The following GPATCH1 variants were observed in gnomAD, a reference collection of about 807,000 sequenced individuals.
GPATCH1 encodes the protein G-patch domain containing 1.
A neutral mutation model predicts 114.9 loss-of-function variants in GPATCH1; 73 were observed. The observed-to-expected ratio is 0.64, with a 90% CI of 0.53 to 0.77. GPATCH1 has a LOEUF of 0.77. Ranked by LOEUF, GPATCH1 falls within the 30% of genes least tolerant of loss-of-function variation. The pLI, the probability that GPATCH1 is intolerant of heterozygous loss-of-function variation, is 0.00. For synonymous variants in GPATCH1, 391 were observed against 428.4 expected (o/e 0.91, Z 1.08); for missense variants, 1,058 against 1,144.3 (o/e 0.92, Z 1.09).
In GPATCH1 at chr19:33,094,379, C is replaced by T. The variant is rs1972632013; in HGVS notation, c.553+110C>T. On this transcript the variant is annotated intron_variant, in intron 5 of 19. Transcript: ENST00000170564. Reference sequence around the variant, plus strand: ...AGGCTGGAGTGCAGTGGTGCGATCCCGGCATACTGCAGCCTTGACCTCCCG... The same window carrying T: ...AGGCTGGAGTGCAGTGGTGCGATCCTGGCATACTGCAGCCTTGACCTCCCG... The T allele has an allele frequency of 4.6e-6, 3 of 646,434 alleles. No individual in the cohort carries two copies. In the South Asian group the frequency reaches 5.2e-5, roughly 11 times the overall value. 40.0% of individuals were successfully genotyped at this position (646,434 alleles called of 1,614,324 possible).
At chr19:33,117,200 A>G (rs1018261754) in intron 15 of GPATCH1, among the ~76,000 whole-genome samples, 3 of 152,106 alleles carry the variant, frequency 2.0e-5, no homozygotes, top group Non-Finnish European at 4.4e-5. Flanking sequence ...TGGCTCAAAA[A>G]ACCCCAAAAC....
At chr19:33,088,871 G>A (rs1972563826) in intron 2 of GPATCH1, among the ~76,000 whole-genome samples, 1 of 151,844 alleles carries the variant, frequency 6.6e-6, no homozygotes, top group African/African-American at 2.4e-5. Context: ...TGGCCAGTGT[G>A]GTCTCTAACT....
chr19:33,105,704 A>G (rs1266207676), intron 9 of GPATCH1, among the ~76,000 whole-genome samples: 1 of 151,636 alleles, frequency 6.6e-6, no homozygotes, highest in Admixed American at 6.6e-5. Flanking sequence ...TTGTATTTTT[A>G]GTAGAGACGG....
At chr19:33,092,855 C>G (rs8104789) in intron 3 of GPATCH1, among the ~76,000 whole-genome samples, 54,031 of 152,038 alleles carry the variant, frequency 0.36, 11,879 homozygotes, top group African/African-American at 0.62. Flanking sequence ...ATGCCCTGCC[C>G]TTGGCCACTG....
intron 15 of GPATCH1, among the ~76,000 whole-genome samples, chr19:33,115,635 C>T (rs987804081): frequency 5.9e-5 from 9 of 151,730 alleles, no homozygotes; most frequent in African/African-American, 2.2e-4. Flanking sequence ...GCTGGGATTA[C>T]AGGCAGGCAC....
intron 10 of GPATCH1, 81 bp downstream of exon 10, chr19:33,106,980 C>T: frequency 1.7e-6 from 2 of 1,167,050 alleles, no homozygotes; most frequent in South Asian, 2.8e-5. Context: ...TGTTTTCCCA[C>T]TGAAGTTTTT....
chr19:33,100,102 TC>T (rs1442366902), intron 8 of GPATCH1: 1 of 151,980 alleles, frequency 6.6e-6, no homozygotes, highest in Non-Finnish European at 1.5e-5. Context: ...ATTTTTTTTT[TC>T]CATGATCAAT....
intron 4 of GPATCH1, 28 bp from the exon 5 acceptor site, chr19:33,094,144 G>A: frequency 1.7e-6 from 2 of 1,181,712 alleles, no homozygotes; most frequent in Non-Finnish European, 2.5e-6. Context: ...ATTTTGAAAA[G>A]TTCATTTTCA....
chr19:33,093,564 T>G (rs1469783179), intron 4 of GPATCH1, 45 bp downstream of exon 4: 2 of 1,537,134 alleles, frequency 1.3e-6, no homozygotes, highest in African/African-American at 1.4e-5. Context: ...ACCGGTGTTT[T>G]GCATATGTGT....
At chr19:33,091,271 G>A (rs531948792) in intron 3 of GPATCH1, among the ~76,000 whole-genome samples, 34 of 151,932 alleles carry the variant, frequency 2.2e-4, no homozygotes, top group Admixed American at 1.1e-3. Context: ...AAAATTAGCC[G>A]GGTGTGGTGG....
chr19:33,087,930 A>G (rs528417108), intron 1 of GPATCH1, among the ~76,000 whole-genome samples: 2 of 152,172 alleles, frequency 1.3e-5, no homozygotes, highest in Non-Finnish European at 2.9e-5. Flanking sequence ...AAAGAGGGCA[A>G]TCATTATTAC....
intron 10 of GPATCH1, among the ~76,000 whole-genome samples, 185 bp downstream of exon 10, chr19:33,107,084 G>A (rs761424254): frequency 7.2e-5 from 11 of 151,960 alleles, no homozygotes; most frequent in Non-Finnish European, 1.2e-4. Flanking sequence ...CTTTTTTTAA[G>A]TTTTATTTTT....
intron 17 of GPATCH1, among the ~76,000 whole-genome samples, chr19:33,120,743 G>A (rs986911514): frequency 2.0e-5 from 3 of 151,632 alleles, no homozygotes; most frequent in Non-Finnish European, 4.4e-5. Flanking sequence ...TCATCCCAGC[G>A]CTTTGGGAGG....
chr19:33,113,315 GCCTATAGT>G (rs1972878386), intron 13 of GPATCH1: 1 of 159,046 alleles, frequency 6.3e-6, no homozygotes. Context: ...GGTGGTGCGT[GCCTATAGT>G]CCCAGCTATT....
At chr19:33,111,385 GAAA>G (rs10709432) in intron 11 of GPATCH1, among the ~76,000 whole-genome samples, 10 of 88,146 alleles carry the variant, frequency 1.1e-4, no homozygotes, top group African/African-American at 2.5e-4. Context: ...CTCCATCTCA[GAAA>G]AAAAAAAAAA....
At chr19:33,114,125 C>G in intron 14 of GPATCH1, 128 bp from the exon 15 acceptor site, 1 of 975,102 alleles carries the variant, frequency 1.0e-6, no homozygotes, top group South Asian at 1.4e-5. Context: ...ACCTACCTCC[C>G]CAGGACCCTA....
At chr19:33,115,204 A>G (rs1599863594) in intron 15 of GPATCH1, among the ~76,000 whole-genome samples, 1 of 138,308 alleles carries the variant, frequency 7.2e-6, no homozygotes, top group Non-Finnish European at 1.5e-5. Context: ...GACTGCGGGC[A>G]CACACCACCA....
intron 1 of GPATCH1, among the ~76,000 whole-genome samples, chr19:33,083,878 C>T (rs1300875693): frequency 2.0e-5 from 3 of 152,088 alleles, no homozygotes; most frequent in Admixed American, 6.6e-5. Context: ...GGTGCGATCT[C>T]GGCTCACTAC....
Position 33,126,728 on chromosome 19 carries a change from G to A in GPATCH1, c.2760G>A (p.Leu920=). 1.9e-6 allele frequency: 3 copies of A among 1,610,964 alleles called. No individual in the cohort carries two copies. The highest frequency in any genetic ancestry group is 1.3e-5 in the African/African-American group (1 of 74,516). Reference sequence around the variant, plus strand: ...CAGACGTGTCGCCCCAGGAGCTGCTGAGACGGTGGGTAGTGGGAGATGGAG... The same window carrying A: ...CAGACGTGTCGCCCCAGGAGCTGCTAAGACGGTGGGTAGTGGGAGATGGAG... ...ETADVSPQEL[L]RRLKSLPLRR... is the part of the protein sequence containing the mutation. The change falls in exon 19 of 20, where the codon CTG becomes CTA. Residue 920 remains leucine (L), a synonymous_variant. Coordinates refer to ENST00000170564, the MANE Select transcript of GPATCH1 (RefSeq NM_018025.3).
Sources: allele counts gnomAD v4.1 joint callset (sites outside exome capture counted in the v4.1 genomes callset), GRCh38; gene constraint gnomAD v4.1.1; transcripts MANE v1.5; gene names NCBI Gene and HGNC (gene_info 2026-07-23, HGNC 2026-07-21).